MBNL1: variants seen among roughly 807,000 people sequenced by gnomAD.
The protein encoded by MBNL1 is muscleblind like splicing regulator 1, also known as muscleblind-like protein 1.
MBNL1 carries 8 observed loss-of-function variants against 42.2 expected under a neutral mutation model. That is an observed-to-expected ratio of 0.19 (90% CI 0.11 to 0.34). The LOEUF (loss-of-function observed/expected upper bound fraction) is 0.34. Ranked by LOEUF, MBNL1 falls within the 10% of genes least tolerant of loss-of-function variation. The pLI is 1.00. For missense variants in MBNL1, 309 were observed against 495.3 expected, an observed-to-expected ratio of 0.62 and a Z score of 3.57; for synonymous variants, 169 against 173.9, an observed-to-expected ratio of 0.97 and a Z score of 0.22.
chr3:152,280,541 C>G lies in MBNL1; in HGVS notation c.-790+11449C>G, dbSNP rs538629423. Among the ~76,000 whole-genome samples the G allele has an allele frequency of 7.4e-4, 112 of 152,246 alleles. 1 individual carries two copies. Among genetic ancestry groups the G allele is most frequent in the African/African-American group, 2.6e-3 (109 of 41,568 alleles). ...GTGGGCACATACGGTTCATCTGAAT[C>G]TTCCTCATGCTAAATTCTTGATTGG... On this transcript the variant is annotated intron_variant, in intron 1 of 9. Transcript: ENST00000324210.
Position 152,462,431 on chromosome 3 carries a change from C to T in MBNL1, c.*65C>T, listed in dbSNP as rs1247607602. ...CAGTGTGCTTGGTTAGAGTAAAGGA[C>T]GAGGTCATTAGCCATATTGTATATA... is the stretch of plus-strand genomic sequence containing the variant. On this transcript the variant is annotated 3_prime_UTR_variant, in exon 10 of 10. Transcript: ENST00000324210. The T allele has an allele frequency of 2.1e-4, 32 of 152,212 alleles. No individual in the cohort carries two copies. The highest frequency in any genetic ancestry group is 1.0e-4 in the Non-Finnish European group (7 of 67,988). The allele number at this position is 152,212 out of a possible 1,614,324, so 9.4% of individuals were successfully genotyped here.
intron 2 of MBNL1, among the ~76,000 whole-genome samples, chr3:152,254,888 A>T (rs1234857555): frequency 6.6e-6 from 1 of 152,106 alleles, no homozygotes; most frequent in Admixed American, 6.6e-5. Context: ...TTTAAGGAAA[A>T]ATATAGAAGT....
At chr3:152,343,225 C>G (rs1159731249) in intron 2 of MBNL1, among the ~76,000 whole-genome samples, 1 of 152,066 alleles carries the variant, frequency 6.6e-6, no homozygotes, top group African/African-American at 2.4e-5. Context: ...TGGAAATAAC[C>G]CCTGTTAAGC....
At chr3:152,301,566 C>A (rs1193560232) in intron 2 of MBNL1, among the ~76,000 whole-genome samples, 1 of 152,008 alleles carries the variant, frequency 6.6e-6, no homozygotes, top group East Asian at 1.9e-4. Flanking sequence ...CCAAAGATTT[C>A]GAGAATATGA....
intron 1 of MBNL1, among the ~76,000 whole-genome samples, chr3:152,271,351 A>G (rs940335764): frequency 6.6e-6 from 1 of 152,226 alleles, no homozygotes; most frequent in Non-Finnish European, 1.5e-5. Flanking sequence ...TATATTTCTC[A>G]TTGAAAATTG....
intron 2 of MBNL1, among the ~76,000 whole-genome samples, chr3:152,401,244 C>T (rs2098203599): frequency 6.6e-6 from 1 of 152,130 alleles, no homozygotes; most frequent in African/African-American, 2.4e-5. Flanking sequence ...AGTAGACAGA[C>T]TTGTAGAAAT....
At chr3:152,328,647 G>T (rs1578031763) in intron 2 of MBNL1, among the ~76,000 whole-genome samples, 1 of 152,118 alleles carries the variant, frequency 6.6e-6, no homozygotes, top group Non-Finnish European at 1.5e-5. Context: ...TTACGGAGAA[G>T]TACTAGGAAG....
intron 2 of MBNL1, among the ~76,000 whole-genome samples, chr3:152,337,354 T>A (rs2090961843): frequency 6.6e-6 from 1 of 152,154 alleles, no homozygotes; most frequent in African/African-American, 2.4e-5. Context: ...GCACGGTGGC[T>A]CACGCCTGTA....
chr3:152,449,684 G>C (rs986768029), intron 6 of MBNL1, among the ~76,000 whole-genome samples: 1 of 152,150 alleles, frequency 6.6e-6, no homozygotes, highest in Non-Finnish European at 1.5e-5. Flanking sequence ...TTGTCTCTCT[G>C]TGCTAGGTTA....
chr3:152,326,812 T>TATTTATTC (rs2080565927), intron 2 of MBNL1, among the ~76,000 whole-genome samples: 1 of 149,958 alleles, frequency 6.7e-6, no homozygotes, highest in Non-Finnish European at 1.5e-5. Context: ...TTTATTTATT[T>TATTTATTC]ATTTATTGAG....
intron 2 of MBNL1, among the ~76,000 whole-genome samples, chr3:152,384,019 AT>A (rs1452554703): frequency 6.6e-6 from 1 of 152,110 alleles, no homozygotes; most frequent in Non-Finnish European, 1.5e-5. Flanking sequence ...TGCAATGTGT[AT>A]TCGTTATTTG....
chr3:152,443,668 A>T (rs966646900), intron 4 of MBNL1, among the ~76,000 whole-genome samples: 1 of 152,084 alleles, frequency 6.6e-6, no homozygotes, highest in Non-Finnish European at 1.5e-5. Flanking sequence ...TCTCGGTAAC[A>T]GCTTGATCAT....
Position 152,367,859 on chromosome 3 carries a change from C to G in MBNL1, c.175-47082C>G, listed in dbSNP as rs376189612. ...GAAATGTGAGTTCATATCCTTTGCCCACTTTTTGATGGTTTTTTTTTCTTG... is the reference window on the plus strand; with the variant it reads ...GAAATGTGAGTTCATATCCTTTGCCGACTTTTTGATGGTTTTTTTTTCTTG... On this transcript the variant is annotated intron_variant, in intron 2 of 9. Coordinates refer to ENST00000324210, the MANE Select transcript of MBNL1 (RefSeq NM_021038.5). Among the ~76,000 whole-genome samples the G allele has an allele frequency of 2.0e-5, 3 of 152,024 alleles. No homozygotes were observed. The East Asian group carries it at 5.8e-4, about 29-fold the overall frequency.
chr3:152,425,588 A>G (rs1465967366), intron 3 of MBNL1, among the ~76,000 whole-genome samples: 1 of 151,980 alleles, frequency 6.6e-6, no homozygotes, highest in East Asian at 1.9e-4. Flanking sequence ...AGCCTGGGTA[A>G]CAGAGAGAGG....
In MBNL1 at chr3:152,447,675, C is replaced by A. The variant is rs1712848401; in HGVS notation, c.863C>A (p.Thr288Asn). 1 of 1,613,456 alleles carries A rather than the reference C, an allele frequency of 6.2e-7. No homozygotes were observed. Among genetic ancestry groups the A allele is most frequent in the Non-Finnish European group, 8.5e-7 (1 of 1,179,610 alleles). Residue 288 changes from threonine to asparagine, a missense_variant, in exon 6 of 10, where the codon ACC (threonine) becomes AAC (asparagine). Coordinates refer to ENST00000324210, the MANE Select transcript of MBNL1 (RefSeq NM_021038.5). Reference protein sequence around the residue: ...PLPKRPALEKTNGATAVFNTG... With the variant: ...PLPKRPALEKNNGATAVFNTG... ...CCAAAGAGGCCTGCTCTTGAAAAAA[C>A]CAACGGTGCCACCGCAGTCTTTAAC...
At chr3:152,262,896 C>T (rs1306222055) in intron 2 of MBNL1, 3 of 152,010 alleles carry the variant, frequency 2.0e-5, no homozygotes, top group South Asian at 2.1e-4. Context: ...TTTTTATATC[C>T]GTTTAGTTTA....
chr3:152,269,600 C>G (rs2039210891), intron 1 of MBNL1: 1 of 439,404 alleles, frequency 2.3e-6, no homozygotes, highest in Admixed American at 2.4e-5. Context: ...CCATAAATTA[C>G]GCATGACATG....
chr3:152,398,721 T>C (rs1201917397), intron 2 of MBNL1, among the ~76,000 whole-genome samples: 1 of 152,216 alleles, frequency 6.6e-6, no homozygotes, highest in Non-Finnish European at 1.5e-5. Context: ...GCTTTGCTTA[T>C]GTCCTTTCCA....
intron 1 of MBNL1, among the ~76,000 whole-genome samples, chr3:152,282,403 A>G (rs983118574): frequency 5.9e-5 from 9 of 152,110 alleles, no homozygotes; most frequent in Non-Finnish European, 1.2e-4. Context: ...TTTTTTGGCA[A>G]GAAAATTAAG....
Sources: gnomAD v4.1 joint callset for allele counts (sites outside exome capture counted in the v4.1 genomes callset) on GRCh38, gnomAD v4.1.1 for gene constraint, MANE v1.5 for transcripts, NCBI Gene and HGNC (gene_info 2026-07-23, HGNC 2026-07-21) for gene names.